Variants in ERC2 observed in about 807,000 individuals in gnomAD.
ERC2 encodes the protein ELKS/RAB6-interacting/CAST family member 2.
Under a neutral mutation model 114.8 loss-of-function variants are expected in ERC2, and 42 were observed. That is an observed-to-expected ratio of 0.37 (90% CI 0.29 to 0.47). The LOEUF is 0.47. Ranked by LOEUF, ERC2 falls within the 20% of genes least tolerant of loss-of-function variation. The pLI, the probability that ERC2 is intolerant of heterozygous loss-of-function variation, is 0.99. For synonymous variants in ERC2, 454 were observed against 425.5 expected (o/e 1.07, Z -0.82); for missense variants, 939 against 1,150.7 (o/e 0.82, Z 2.66).
intron 14 of ERC2, among the ~76,000 whole-genome samples, chr3:55,738,139 C>T (rs1489146948): frequency 6.6e-6 from 1 of 152,132 alleles, no homozygotes; most frequent in Non-Finnish European, 1.5e-5. Flanking sequence ...TGTCATCTGC[C>T]TGCATCCATG....
intron 3 of ERC2, among the ~76,000 whole-genome samples, chr3:56,285,133 C>G (rs1487631813): frequency 1.4e-5 from 2 of 140,486 alleles, no homozygotes; most frequent in Non-Finnish European, 3.1e-5. Context: ...CATCTGCTTT[C>G]TAGTTAAATC....
intron 10 of ERC2, among the ~76,000 whole-genome samples, chr3:55,997,047 T>C (rs1289585778): frequency 6.6e-6 from 1 of 152,184 alleles, no homozygotes; most frequent in African/African-American, 2.4e-5. Flanking sequence ...AGTATTAACT[T>C]TGGTCCAGAA....
intron 14 of ERC2, among the ~76,000 whole-genome samples, chr3:55,753,510 CT>C (rs1478654370): frequency 6.6e-6 from 1 of 152,214 alleles, no homozygotes; most frequent in African/African-American, 2.4e-5. Context: ...CTGTGGCCCC[CT>C]GGGACCCAAA....
chr3:55,559,153 T>C (rs1377184400), intron 17 of ERC2, among the ~76,000 whole-genome samples: 2 of 152,210 alleles, frequency 1.3e-5, no homozygotes, highest in Non-Finnish European at 2.9e-5. Context: ...CTTAAACCAG[T>C]CCAGCATCTC....
intron 17 of ERC2, among the ~76,000 whole-genome samples, chr3:55,596,209 T>C (rs900860838): frequency 1.3e-5 from 2 of 152,098 alleles, no homozygotes; most frequent in Admixed American, 1.3e-4. Context: ...AGAACCATAA[T>C]AAGAGAACAT....
At chr3:56,178,230 C>A (rs1465352566) in intron 3 of ERC2, among the ~76,000 whole-genome samples, 1 of 152,176 alleles carries the variant, frequency 6.6e-6, no homozygotes, top group Non-Finnish European at 1.5e-5. Flanking sequence ...CTTTCTTCAA[C>A]AGACCAAATA....
At chr3:55,767,595 C>T (rs373835039) in intron 14 of ERC2, among the ~76,000 whole-genome samples, 5 of 152,264 alleles carry the variant, frequency 3.3e-5, no homozygotes, top group Non-Finnish European at 7.4e-5. Flanking sequence ...AAGAAGCCCG[C>T]CTAATCAGAC....
intron 17 of ERC2, among the ~76,000 whole-genome samples, chr3:55,584,907 T>A (rs1276854910): frequency 6.6e-6 from 1 of 152,188 alleles, no homozygotes; most frequent in Non-Finnish European, 1.5e-5. Flanking sequence ...GAGGCCCTGA[T>A]TTTATCTCAG....
chr3:55,729,457 G>GCC (rs1238232291), intron 15 of ERC2, among the ~76,000 whole-genome samples: 4 of 151,978 alleles, frequency 2.6e-5, no homozygotes, highest in Non-Finnish European at 4.4e-5. Context: ...CTCCTGTTTT[G>GCC]CCTTATACTA....
intron 4 of ERC2, among the ~76,000 whole-genome samples, chr3:56,162,167 T>A (rs1239419796): frequency 2.6e-5 from 4 of 152,220 alleles, no homozygotes; most frequent in Admixed American, 2.6e-4. Context: ...TTTAATTCTG[T>A]TTATGTGTTG....
intron 17 of ERC2, among the ~76,000 whole-genome samples, chr3:55,604,446 T>C (rs943510947): frequency 6.6e-6 from 1 of 152,200 alleles, no homozygotes; most frequent in Non-Finnish European, 1.5e-5. Context: ...AAGTCTCTTA[T>C]TTAACCTTTA....
intron 3 of ERC2, among the ~76,000 whole-genome samples, chr3:56,207,143 T>G (rs2048784794): frequency 6.6e-6 from 1 of 151,522 alleles, no homozygotes; most frequent in African/African-American, 2.4e-5. Context: ...GGCATCTTTA[T>G]GATAATATTA....
At chr3:55,648,651 G>A (rs2060487621) in intron 17 of ERC2, among the ~76,000 whole-genome samples, 1 of 152,154 alleles carries the variant, frequency 6.6e-6, no homozygotes, top group Admixed American at 6.5e-5. Context: ...GTCCCAAGAG[G>A]AAGGTGCAAA....
intron 4 of ERC2, among the ~76,000 whole-genome samples, chr3:56,159,933 A>T (rs1358378142): frequency 6.6e-6 from 1 of 152,102 alleles, no homozygotes; most frequent in Non-Finnish European, 1.5e-5. Flanking sequence ...GGTTGATTGC[A>T]TGTCTTTGCT....
intron 12 of ERC2, among the ~76,000 whole-genome samples, chr3:55,952,163 ACACACACACACACACACTCT>A (rs1443576101): frequency 0.011 from 791 of 73,526 alleles, 11 homozygotes; most frequent in Non-Finnish European, 0.018. Flanking sequence ...ACACACACAC[ACACACACACACACACACTCT>A]CTCTCTCTCT....
chr3:56,296,405 CT>C lies in ERC2; in HGVS notation c.687del (p.Asp230MetfsTer29). 1 of 1,613,804 alleles carries C rather than the reference CT, an allele frequency of 6.2e-7. No homozygotes were observed. Among genetic ancestry groups the C allele is most frequent in the Non-Finnish European group, 8.5e-7 (1 of 1,179,780 alleles). ...QHLQLTIQAL[Q>X]DELRTQRDLN... ...AGGTCTCTCTGGGTTCGCAGCTCAT[CT>C]TGAAGGGCCTGGATTGTCAACTGTA... is the stretch of plus-strand genomic sequence containing the variant. On this transcript the variant is annotated frameshift_variant, in exon 3 of 18. Coordinates refer to ENST00000288221, the MANE Select transcript of ERC2 (RefSeq NM_015576.3). LOFTEE classifies it high-confidence loss of function.
chr3:56,062,697 G>T (rs1293564679), intron 7 of ERC2, among the ~76,000 whole-genome samples: 1 of 152,020 alleles, frequency 6.6e-6, no homozygotes, highest in Admixed American at 6.6e-5. Flanking sequence ...CTGCCCTTTA[G>T]GGAGTTTATC....
intron 14 of ERC2, among the ~76,000 whole-genome samples, chr3:55,880,586 A>G (rs2063068215): frequency 6.6e-6 from 1 of 152,138 alleles, no homozygotes; most frequent in African/African-American, 2.4e-5. Flanking sequence ...CTGACTCACT[A>G]CAGGTAACTC....
intron 17 of ERC2, among the ~76,000 whole-genome samples, chr3:55,669,263 C>T (rs572517375): frequency 6.0e-4 from 92 of 152,342 alleles, no homozygotes; most frequent in African/African-American, 2.1e-3. Context: ...CTGAAAGATG[C>T]CAGCTGCTGG....
Sources: allele counts gnomAD v4.1 joint callset (sites outside exome capture counted in the v4.1 genomes callset), GRCh38; gene constraint gnomAD v4.1.1; transcripts MANE v1.5; gene names NCBI Gene and HGNC (gene_info 2026-07-23, HGNC 2026-07-21).